CDH4: variants seen among roughly 807,000 people sequenced by gnomAD.
CDH4 encodes the protein cadherin 4.
CDH4 carries 33 observed loss-of-function variants against 86.0 expected under a neutral mutation model. The observed-to-expected ratio is 0.38, with a 90% CI of 0.29 to 0.51. CDH4 has a LOEUF of 0.51. CDH4 is among the 20% of genes least tolerant of loss of function. The pLI, the probability that CDH4 is intolerant of heterozygous loss-of-function variation, is 0.86. For synonymous variants in CDH4, 555 were observed against 549.4 expected (o/e 1.01, Z -0.14); for missense variants, 1,114 against 1,307.4 (o/e 0.85, Z 2.28).
chr20:61,587,329 C>T (rs1418543082), intron 2 of CDH4, among the ~76,000 whole-genome samples: 3 of 152,116 alleles, frequency 2.0e-5, no homozygotes, highest in African/African-American at 7.2e-5. Flanking sequence ...CCTCTGCCGT[C>T]TGGTTTCTAC....
intron 15 of CDH4, among the ~76,000 whole-genome samples, chr20:61,934,648 C>T (rs568862321): frequency 4.6e-5 from 7 of 152,318 alleles, no homozygotes; most frequent in African/African-American, 7.2e-5. Context: ...ATGGCCTTCC[C>T]GGGCTCGGCT....
At chr20:61,391,545 AGG>A (rs1424283867) in intron 2 of CDH4, among the ~76,000 whole-genome samples, 4 of 65,106 alleles carry the variant, frequency 6.1e-5, no homozygotes, top group African/African-American at 3.2e-4. Flanking sequence ...GTCTAAACAG[AGG>A]AGGCTCCTTC....
intron 2 of CDH4, among the ~76,000 whole-genome samples, chr20:61,352,693 A>AG (rs930449392): frequency 2.0e-5 from 3 of 152,056 alleles, no homozygotes; most frequent in African/African-American, 7.2e-5. Context: ...GATGTTCTCT[A>AG]GGGGGCCTGG....
At chr20:61,756,701 A>C (rs2088569281) in intron 3 of CDH4, among the ~76,000 whole-genome samples, 1 of 152,052 alleles carries the variant, frequency 6.6e-6, no homozygotes, top group African/African-American at 2.4e-5. Flanking sequence ...CACAGACTGC[A>C]TTCCTCCGTG....
At position 61,499,950 on chromosome 20, in the gene CDH4, C is replaced by T. The variant is rs6121649; in HGVS notation, c.170-243613C>T. On this transcript the variant is annotated intron_variant, in intron 2 of 15. Coordinates refer to ENST00000614565, the MANE Select transcript of CDH4 (RefSeq NM_001794.5). ...GTCAGTGGCACCATTATGCAAAGCA[C>T]CCAGGAGGCACGGGCGCAGCTTACA... Among the ~76,000 whole-genome samples, 323 of 152,296 alleles carry T rather than the reference C, an allele frequency of 2.1e-3. 2 individuals are homozygous for T. Among genetic ancestry groups the T allele is most frequent in the African/African-American group, 7.4e-3 (307 of 41,570 alleles).
chr20:61,733,955 G>A (rs775217247), intron 2 of CDH4, among the ~76,000 whole-genome samples: 1 of 152,250 alleles, frequency 6.6e-6, no homozygotes, highest in Non-Finnish European at 1.5e-5. Flanking sequence ...GTAAATGTCA[G>A]CAGGCTCCTG....
intron 2 of CDH4, among the ~76,000 whole-genome samples, chr20:61,701,180 C>G (rs1261957371): frequency 6.6e-6 from 1 of 152,160 alleles, no homozygotes; most frequent in Non-Finnish European, 1.5e-5. Flanking sequence ...TGTGTCTGTG[C>G]CCAAGTCTCC....
chr20:61,428,487 T>C (rs2085226802), intron 2 of CDH4, among the ~76,000 whole-genome samples: 1 of 152,198 alleles, frequency 6.6e-6, no homozygotes, highest in Admixed American at 6.5e-5. Flanking sequence ...TCTGGCTTAA[T>C]GGGTGGTAGA....
Position 61,936,936 on chromosome 20 carries a change from A to C in CDH4, c.2744A>C (p.Glu915Ala). ...GCGGACATGTATGGAGGTGGTGAAG[A>C]GGATTGACTGACCTCGCATCTTCGG... ...KLADMYGGGE[E>A]D is the part of the protein sequence containing the mutation. The change falls in exon 16 of 16, where the codon GAG (glutamate) becomes GCG (alanine). Residue 915 changes from glutamate to alanine, a missense_variant. Around this residue, in one of 3 missense-constraint regions of CDH4, gnomAD observed 188 missense variants for 183.8 expected, o/e 1.02. Transcript: ENST00000614565. 3 of 1,569,972 alleles carry C rather than the reference A, an allele frequency of 1.9e-6. No individual in the cohort carries two copies. The highest frequency in any genetic ancestry group is 2.6e-6 in the Non-Finnish European group (3 of 1,156,458).
At chr20:61,839,901 CTG>C (rs145568741) in intron 4 of CDH4, among the ~76,000 whole-genome samples, 3,618 of 147,376 alleles carry the variant, frequency 0.025, 124 homozygotes, top group African/African-American at 0.079. Flanking sequence ...TATGTGTGTA[CTG>C]TGTGTGTGTG....
At chr20:61,331,731 T>C (rs2084581391) in intron 2 of CDH4, among the ~76,000 whole-genome samples, 1 of 1,308 alleles carries the variant, frequency 7.6e-4, no homozygotes, top group East Asian at 0.017. Flanking sequence ...CTGACAGAAA[T>C]GAGATGCGAG....
At chr20:61,279,411 C>T (rs1489031850) in intron 2 of CDH4, among the ~76,000 whole-genome samples, 3 of 152,110 alleles carry the variant, frequency 2.0e-5, no homozygotes, top group Admixed American at 1.3e-4. Context: ...GCAGCCCCTG[C>T]GTCTCTGGAC....
At chr20:61,903,986 C>T (rs984117963) in intron 8 of CDH4, among the ~76,000 whole-genome samples, 13 of 152,198 alleles carry the variant, frequency 8.5e-5, no homozygotes, top group African/African-American at 2.7e-4. Flanking sequence ...AGCTGTTTTG[C>T]GTTTCTGCTC....
At chr20:61,838,916 C>T (rs918722631) in intron 4 of CDH4, among the ~76,000 whole-genome samples, 2 of 152,074 alleles carry the variant, frequency 1.3e-5, no homozygotes, top group African/African-American at 4.8e-5. Flanking sequence ...AGTCCGCCTG[C>T]CTGGGTCCTG....
chr20:61,482,190 C>A (rs977769392), intron 2 of CDH4, among the ~76,000 whole-genome samples: 3 of 152,202 alleles, frequency 2.0e-5, no homozygotes, highest in African/African-American at 7.2e-5. Flanking sequence ...AGGCACGGTT[C>A]TGTAGGGCCC....
chr20:61,534,620 A>G (rs2085980093), intron 2 of CDH4, among the ~76,000 whole-genome samples: 1 of 143,526 alleles, frequency 7.0e-6, no homozygotes, highest in African/African-American at 2.8e-5. Flanking sequence ...ATCAGATTCT[A>G]AGTGGTGGTT....
chr20:61,498,288 G>A (rs1008653603), intron 2 of CDH4, among the ~76,000 whole-genome samples: 3 of 152,132 alleles, frequency 2.0e-5, no homozygotes, highest in African/African-American at 4.8e-5. Flanking sequence ...TGTTCCCACC[G>A]GTTGGCCGGT....
At chr20:61,804,777 TG>T (rs1980036819) in intron 4 of CDH4, among the ~76,000 whole-genome samples, 1 of 152,158 alleles carries the variant, frequency 6.6e-6, no homozygotes, top group Admixed American at 6.5e-5. Flanking sequence ...GAAGAAGAGA[TG>T]GCTCAGAGGT....
chr20:61,345,347 A>G (rs919856344), intron 2 of CDH4, among the ~76,000 whole-genome samples: 12 of 152,236 alleles, frequency 7.9e-5, no homozygotes, highest in Admixed American at 6.5e-4. Context: ...CGCGATGATG[A>G]GCATAGTGAA....
Sources: gnomAD v4.1 joint callset for allele counts (sites outside exome capture counted in the v4.1 genomes callset) on GRCh38, gnomAD v4.1.1 for gene constraint, gnomAD v4.1.1 regional missense constraint, MANE v1.5 for transcripts, NCBI Gene and HGNC (gene_info 2026-07-23, HGNC 2026-07-21) for gene names.